CELF4: variants seen among roughly 807,000 people sequenced by gnomAD.
CELF4 encodes CUG-BP- and ETR-3-like factor 4.
A neutral mutation model predicts 59.9 loss-of-function variants in CELF4; 18 were observed. The observed-to-expected ratio is 0.30, with a 90% CI of 0.21 to 0.45. CELF4 has a LOEUF of 0.45. CELF4 is among the 20% of genes least tolerant of loss of function. CELF4 has a pLI of 1.00. For synonymous variants in CELF4, 261 were observed against 267.1 expected (o/e 0.98, Z 0.22); for missense variants, 456 against 689.0 (o/e 0.66, Z 3.79).
At chr18:37,263,044 G>A (rs2075689072) in intron 10 of CELF4, among the ~76,000 whole-genome samples, 1 of 152,138 alleles carries the variant, frequency 6.6e-6, no homozygotes, top group African/African-American at 2.4e-5. Flanking sequence ...GCACAGCCTT[G>A]GAAGGGGTGG....
chr18:37,416,458 G>A (rs962212970), intron 2 of CELF4, among the ~76,000 whole-genome samples: 1 of 152,092 alleles, frequency 6.6e-6, no homozygotes, highest in African/African-American at 2.4e-5. Context: ...TTTTCACATG[G>A]GTGTCTTGTC....
At chr18:37,528,633 T>G (rs539690067) in intron 1 of CELF4, among the ~76,000 whole-genome samples, 2 of 152,060 alleles carry the variant, frequency 1.3e-5, no homozygotes, top group Non-Finnish European at 2.9e-5. Flanking sequence ...GTGGGTGTGT[T>G]TGTGTGTGTC....
At chr18:37,299,511 G>T (rs1393083357) in intron 3 of CELF4, among the ~76,000 whole-genome samples, 1 of 152,014 alleles carries the variant, frequency 6.6e-6, no homozygotes, top group Non-Finnish European at 1.5e-5. Context: ...CAGAATGTCG[G>T]GCTCACAGGG....
chr18:37,272,241 A>G (rs1273803713), intron 7 of CELF4, among the ~76,000 whole-genome samples: 2 of 152,194 alleles, frequency 1.3e-5, no homozygotes, highest in East Asian at 1.9e-4. Flanking sequence ...GGGGCCAGAT[A>G]GTTCCTTGTG....
At chr18:37,496,717 G>A (rs1276118764) in intron 1 of CELF4, among the ~76,000 whole-genome samples, 10 of 152,302 alleles carry the variant, frequency 6.6e-5, no homozygotes, top group African/African-American at 1.4e-4. Context: ...TCCAGCTGTC[G>A]ATAGAGGGTG....
intron 2 of CELF4, among the ~76,000 whole-genome samples, chr18:37,422,909 A>C (rs1047669484): frequency 7.9e-5 from 12 of 152,226 alleles, no homozygotes; most frequent in African/African-American, 2.9e-4. Context: ...AGCACAACGC[A>C]AAATTTCCCT....
At chr18:37,280,071 T>A (rs2093931361) in intron 3 of CELF4, among the ~76,000 whole-genome samples, 1 of 152,316 alleles carries the variant, frequency 6.6e-6, no homozygotes, top group African/African-American at 2.4e-5. Flanking sequence ...CAGCCCCGCT[T>A]GGACCCAGAG....
intron 2 of CELF4, among the ~76,000 whole-genome samples, chr18:37,392,835 A>G (rs2099179675): frequency 1.3e-5 from 2 of 152,124 alleles, no homozygotes; most frequent in South Asian, 4.1e-4. Context: ...CCACATCTCA[A>G]ACAGCCCCTT....
rs1245545828 is a variant in CELF4 at position 37,277,249 on chromosome 18, C to T, written c.449-2006G>A. ...GGGCACAGTTACTGGTCCCTGTTACCAGCTGTTCGTCAAAAAACACCAGCT... is the reference window on the plus strand; with the variant it reads ...GGGCACAGTTACTGGTCCCTGTTACTAGCTGTTCGTCAAAAAACACCAGCT... On this transcript the variant is annotated intron_variant, in intron 3 of 12. Coordinates refer to ENST00000420428, the MANE Select transcript of CELF4 (RefSeq NM_020180.4). Among the ~76,000 whole-genome samples the T allele has an allele frequency of 3.9e-5, 6 of 152,328 alleles. No homozygotes were observed. The Middle Eastern group carries it at 0.01, about 259-fold the overall frequency.
chr18:37,494,889 G>A (rs2099923344), intron 1 of CELF4, among the ~76,000 whole-genome samples: 1 of 152,124 alleles, frequency 6.6e-6, no homozygotes, highest in South Asian at 2.1e-4. Flanking sequence ...GGGATAAGGG[G>A]CTCAAGGGTG....
chr18:37,523,819 C>T (rs2099960386), intron 1 of CELF4, among the ~76,000 whole-genome samples: 2 of 151,944 alleles, frequency 1.3e-5, no homozygotes, highest in Admixed American at 6.6e-5. Flanking sequence ...AGCTGCTGAT[C>T]TATCAGTTTA....
At position 37,281,739 on chromosome 18, in the gene CELF4, C is replaced by T. The variant is rs575636205; in HGVS notation, c.449-6496G>A. Among the ~76,000 whole-genome samples, 5 of 152,310 alleles carry T rather than the reference C, an allele frequency of 3.3e-5. No individual in the cohort carries two copies. In the East Asian group the frequency reaches 7.7e-4, roughly 24 times the overall value. ...GGGCAAGAGCCCAGAGACCAGAGCACCCCATGAATCTGCTCCTCAGCTGCC... is the reference window on the plus strand; with the variant it reads ...GGGCAAGAGCCCAGAGACCAGAGCATCCCATGAATCTGCTCCTCAGCTGCC... On this transcript the variant is annotated intron_variant, in intron 3 of 12. Coordinates refer to ENST00000420428, the MANE Select transcript of CELF4 (RefSeq NM_020180.4).
intron 2 of CELF4, among the ~76,000 whole-genome samples, chr18:37,458,450 G>A (rs943299015): frequency 6.6e-6 from 1 of 152,214 alleles, no homozygotes; most frequent in East Asian, 1.9e-4. Flanking sequence ...TTGGGCTTAT[G>A]TGGAAGGAGT....
At chr18:37,394,081 C>T (rs1246880600) in intron 2 of CELF4, among the ~76,000 whole-genome samples, 1 of 152,146 alleles carries the variant, frequency 6.6e-6, no homozygotes, top group African/African-American at 2.4e-5. Flanking sequence ...CGGCGCTGGG[C>T]TCCGAGACCC....
rs1173043939 is a variant in CELF4 at position 37,376,203 on chromosome 18, C to A, written c.370-54322G>T. Among the ~76,000 whole-genome samples the A allele has an allele frequency of 2.0e-5, 3 of 152,136 alleles. No individual in the cohort carries two copies. The South Asian group carries it at 6.2e-4, about 32-fold the overall frequency. ...AAGGGCAGTGCCTGGCCAGCCCTTTCCCAAATGGCAGCCTCCCACCTCTTC... is the reference window on the plus strand; with the variant it reads ...AAGGGCAGTGCCTGGCCAGCCCTTTACCAAATGGCAGCCTCCCACCTCTTC... On this transcript the variant is annotated intron_variant, in intron 2 of 12. Coordinates refer to ENST00000420428, the MANE Select transcript of CELF4 (RefSeq NM_020180.4).
At chr18:37,284,718 C>G (rs543384078) in intron 3 of CELF4, among the ~76,000 whole-genome samples, 1 of 152,330 alleles carries the variant, frequency 6.6e-6, no homozygotes, top group East Asian at 1.9e-4. Context: ...GTAAGATCAA[C>G]AAGAAGAATC....
chr18:37,354,863 G>A (rs1048036874), intron 2 of CELF4, among the ~76,000 whole-genome samples: 3 of 152,202 alleles, frequency 2.0e-5, no homozygotes, highest in Non-Finnish European at 4.4e-5. Flanking sequence ...TGGTAATTCT[G>A]GTTTGTGGTG....
At chr18:37,416,274 G>A (rs2099527910) in intron 2 of CELF4, among the ~76,000 whole-genome samples, 1 of 152,000 alleles carries the variant, frequency 6.6e-6, no homozygotes, top group Non-Finnish European at 1.5e-5. Context: ...GCCATTTGAA[G>A]TATCTGACTC....
chr18:37,330,534 T>C (rs1313763543), intron 2 of CELF4, among the ~76,000 whole-genome samples: 3 of 152,254 alleles, frequency 2.0e-5, no homozygotes, highest in African/African-American at 4.8e-5. Flanking sequence ...CATAAAATTC[T>C]GACTCCAGGA....
Sources: gnomAD v4.1 joint callset for allele counts (sites outside exome capture counted in the v4.1 genomes callset) on GRCh38, gnomAD v4.1.1 for gene constraint, MANE v1.5 for transcripts, NCBI Gene and HGNC (gene_info 2026-07-23, HGNC 2026-07-21) for gene names.